Variants in BACH2 observed in about 807,000 individuals in gnomAD.
The protein encoded by BACH2 is BACH transcriptional regulator 2, also known as transcription regulator protein BACH2.
Under a neutral mutation model 61.8 loss-of-function variants are expected in BACH2, and 5 were observed. The observed-to-expected ratio is 0.08, with a 90% CI of 0.04 to 0.17. The LOEUF is 0.17. Among genes scored for constraint, BACH2 ranks in the 10% least tolerant of loss-of-function variants. BACH2 has a pLI of 1.00. For synonymous variants in BACH2, 446 were observed against 440.1 expected, an observed-to-expected ratio of 1.01 and a Z score of -0.17; for missense variants, 824 against 1,091.1, an observed-to-expected ratio of 0.76 and a Z score of 3.45.
intron 5 of BACH2, among the ~76,000 whole-genome samples, chr6:90,062,718 G>T (rs976929937): frequency 1.3e-5 from 2 of 149,464 alleles, no homozygotes; most frequent in African/African-American, 4.9e-5. Flanking sequence ...ATCTTATCTT[G>T]TATCATTTGG....
intron 5 of BACH2, among the ~76,000 whole-genome samples, chr6:90,069,040 A>C (rs976858148): frequency 1.3e-5 from 2 of 151,856 alleles, no homozygotes; most frequent in African/African-American, 2.4e-5. Context: ...TTCTGCTTTT[A>C]CTGTTACTCC....
chr6:90,266,347 C>T (rs1483438528), intron 2 of BACH2, among the ~76,000 whole-genome samples: 1 of 152,154 alleles, frequency 6.6e-6, no homozygotes, highest in Admixed American at 6.5e-5. Context: ...AGATGACCAA[C>T]TACAGAGAGA....
chr6:90,081,706 T>A (rs1418675046), intron 5 of BACH2, among the ~76,000 whole-genome samples: 1 of 152,210 alleles, frequency 6.6e-6, no homozygotes, highest in Non-Finnish European at 1.5e-5. Flanking sequence ...TTTCTTTTTT[T>A]TTTAAACAAA....
chr6:90,253,206 T>C (rs1229380918), intron 2 of BACH2, among the ~76,000 whole-genome samples: 25 of 152,088 alleles, frequency 1.6e-4, no homozygotes. Context: ...ATTGCGCCAT[T>C]GTACTCCAAC....
Position 90,188,901 on chromosome 6 carries a change from C to A in BACH2, c.-162+17668G>T, listed in dbSNP as rs895347965. Among the ~76,000 whole-genome samples, 7 of 152,018 alleles carry A rather than the reference C, an allele frequency of 4.6e-5. No homozygotes were observed. The East Asian group carries it at 1.4e-3, about 29-fold the overall frequency. On this transcript the variant is annotated intron_variant, in intron 4 of 8. Coordinates refer to ENST00000257749, the MANE Select transcript of BACH2 (RefSeq NM_021813.4). ...TCCTCTTGACCTTAAATTGTGGGCT[C>A]ACCCTGGAGAATAAATCTTAATAGT...
intron 4 of BACH2, among the ~76,000 whole-genome samples, chr6:90,117,328 A>G (rs1456273767): frequency 6.6e-6 from 1 of 152,014 alleles, no homozygotes; most frequent in African/African-American, 2.4e-5. Flanking sequence ...CTCATCTGGG[A>G]TTGACAGGCT....
In BACH2 at chr6:90,015,333, C is replaced by A. The variant is rs1778002497; in HGVS notation, c.-12-6477G>T. On this transcript the variant is annotated intron_variant, in intron 5 of 8. Coordinates refer to ENST00000257749, the MANE Select transcript of BACH2 (RefSeq NM_021813.4). Reference sequence around the variant, plus strand: ...TTGCTTACTTTGGGTTTAATTGGGTCTTTTTTTCTTTTCCAGTTTCCTAAG... The same window carrying A: ...TTGCTTACTTTGGGTTTAATTGGGTATTTTTTTCTTTTCCAGTTTCCTAAG... Among the ~76,000 whole-genome samples the A allele has an allele frequency of 2.6e-5, 4 of 152,052 alleles. No individual in the cohort carries two copies. In the South Asian group the frequency reaches 8.3e-4, roughly 32 times the overall value.
chr6:90,195,037 A>G (rs1554256700), intron 4 of BACH2, among the ~76,000 whole-genome samples: 1 of 152,216 alleles, frequency 6.6e-6, no homozygotes, highest in Non-Finnish European at 1.5e-5. Flanking sequence ...AGAAGAGGGG[A>G]AAATCCCCAG....
chr6:89,962,531 C>A (rs1369238730), intron 6 of BACH2, among the ~76,000 whole-genome samples: 1 of 152,198 alleles, frequency 6.6e-6, no homozygotes, highest in East Asian at 1.9e-4. Flanking sequence ...TGGTTCCATA[C>A]ATGTTCCCAT....
intron 4 of BACH2, among the ~76,000 whole-genome samples, chr6:90,095,325 T>C (rs566293359): frequency 6.6e-6 from 1 of 152,254 alleles, no homozygotes; most frequent in Non-Finnish European, 1.5e-5. Flanking sequence ...GTGGCTTTTG[T>C]GTTTTATTCT....
intron 3 of BACH2, among the ~76,000 whole-genome samples, chr6:90,215,523 C>A (rs147092659): frequency 6.6e-6 from 1 of 152,212 alleles, no homozygotes; most frequent in Non-Finnish European, 1.5e-5. Flanking sequence ...AAATATTTAA[C>A]CAATATAATA....
intron 5 of BACH2, among the ~76,000 whole-genome samples, chr6:90,051,200 TTTG>T (rs950055167): frequency 1.2e-4 from 18 of 152,214 alleles, no homozygotes; most frequent in African/African-American, 4.3e-4. Context: ...TACTTAAATT[TTTG>T]TTATTATCAT....
chr6:89,951,525 G>T lies in BACH2; in HGVS notation c.581C>A (p.Ala194Asp). The change falls in exon 7 of 9, where the codon GCC becomes GAC. Residue 194 changes from alanine to aspartate, a missense_variant. This residue lies in a region of BACH2 where 107 missense variants were observed against 121.7 expected (regional missense o/e 0.88). Transcript: ENST00000257749. The surrounding 1 kb of genome is among the most constrained non-coding windows in gnomAD (Gnocchi z 6.4). ...QMLPEPISFE[A>D]AAIPVAEKEE... Reference sequence around the variant, plus strand: ...CTTCTCTGCTACGGGGATGGCGGCGGCCTCAAAGCTGATGGGCTCTGGAAG... The same window carrying T: ...CTTCTCTGCTACGGGGATGGCGGCGTCCTCAAAGCTGATGGGCTCTGGAAG... 6.2e-7 allele frequency: 1 copy of T among 1,614,206 alleles called. No individual in the cohort carries two copies.
chr6:89,956,549 G>A (rs192876011), intron 6 of BACH2, among the ~76,000 whole-genome samples: 1 of 152,318 alleles, frequency 6.6e-6, no homozygotes, highest in East Asian at 1.9e-4. Context: ...AGGAAGATGG[G>A]CTGATGAAAA....
chr6:90,101,892 G>A (rs1350350367), intron 4 of BACH2, among the ~76,000 whole-genome samples: 1 of 151,946 alleles, frequency 6.6e-6, no homozygotes, highest in Non-Finnish European at 1.5e-5. Context: ...ATTTATTCCT[G>A]AATATTTAAT....
At chr6:90,131,414 T>G (rs902041439) in intron 4 of BACH2, among the ~76,000 whole-genome samples, 3 of 152,126 alleles carry the variant, frequency 2.0e-5, no homozygotes, top group Non-Finnish European at 4.4e-5. Context: ...TTGTAATAAT[T>G]CCAAAATGCA....
At chr6:90,202,710 A>G (rs1768996184) in intron 4 of BACH2, among the ~76,000 whole-genome samples, 1 of 152,260 alleles carries the variant, frequency 6.6e-6, no homozygotes, top group African/African-American at 2.4e-5. Context: ...AGCACAGAAC[A>G]GCATGTGACA....
At chr6:90,121,846 A>ACCTTTGCAT (rs1241686659) in intron 4 of BACH2, among the ~76,000 whole-genome samples, 2 of 151,978 alleles carry the variant, frequency 1.3e-5, no homozygotes, top group African/African-American at 2.4e-5. Flanking sequence ...GTGCCCGGCC[A>ACCTTTGCAT]CCTTTGCATA....
intron 6 of BACH2, among the ~76,000 whole-genome samples, chr6:89,987,077 G>C (rs545184033): frequency 1.3e-5 from 2 of 152,278 alleles, no homozygotes; most frequent in South Asian, 4.1e-4. Flanking sequence ...AAAGATGTGA[G>C]TGGCAACTGG....
Sources: allele counts gnomAD v4.1 joint callset (sites outside exome capture counted in the v4.1 genomes callset), GRCh38; gene constraint gnomAD v4.1.1; regional missense constraint gnomAD v4.1.1; non-coding constraint Gnocchi (gnomAD v3.1); transcripts MANE v1.5; gene names NCBI Gene and HGNC (gene_info 2026-07-23, HGNC 2026-07-21).